The following NDRG1 variants were observed in gnomAD, a reference collection of about 807,000 sequenced individuals.
NDRG1 encodes N-myc downstream regulated 1.
In NDRG1, 32 loss-of-function variants were observed where a neutral mutation model predicts 56.9. The ratio of observed to expected loss-of-function variants is 0.56; its 90% CI spans 0.42 to 0.76. NDRG1 has a LOEUF of 0.76. Among genes scored for constraint, NDRG1 ranks in the 30% least tolerant of loss-of-function variants. The pLI is 0.00. For synonymous variants in NDRG1, 211 were observed against 204.1 expected (o/e 1.03, Z -0.29); for missense variants, 507 against 545.7 (o/e 0.93, Z 0.71).
intron 13 of NDRG1, among the ~76,000 whole-genome samples, chr8:133,245,782 T>C (rs963589775): frequency 6.6e-6 from 1 of 152,226 alleles, no homozygotes; most frequent in African/African-American, 2.4e-5. Flanking sequence ...TTATGCAAGC[T>C]TGACGCCCAG....
chr8:133,252,966 C>T (rs1047001835), intron 9 of NDRG1, among the ~76,000 whole-genome samples: 14 of 152,216 alleles, frequency 9.2e-5, no homozygotes, highest in African/African-American at 2.4e-4. Context: ...CTGGTGTACT[C>T]GCCAGCTCCA....
chr8:133,253,994 C>A (rs184447202), intron 9 of NDRG1, among the ~76,000 whole-genome samples: 140 of 152,048 alleles, frequency 9.2e-4, no homozygotes, highest in African/African-American at 3.3e-3. Flanking sequence ...GAGCACTGCA[C>A]CCCGACTAGG....
chr8:133,295,373 A>C (rs1292343881), intron 1 of NDRG1, among the ~76,000 whole-genome samples: 1 of 152,218 alleles, frequency 6.6e-6, no homozygotes, highest in Non-Finnish European at 1.5e-5. Flanking sequence ...AAAGCTAAGA[A>C]GTCACAGGTC....
intron 2 of NDRG1, 45 bp downstream of exon 2, chr8:133,284,204 T>C (rs1857971839): frequency 1.9e-6 from 3 of 1,581,274 alleles, no homozygotes; most frequent in Non-Finnish European, 1.7e-6. Context: ...TGTGTCTATG[T>C]GCACATGTGC....
chr8:133,285,291 G>A (rs1042127778), intron 1 of NDRG1, among the ~76,000 whole-genome samples: 5 of 152,304 alleles, frequency 3.3e-5, no homozygotes, highest in South Asian at 2.1e-4. Context: ...CATAAAAAAT[G>A]CAGAATAAGG....
intron 12 of NDRG1, among the ~76,000 whole-genome samples, chr8:133,247,419 C>A (rs188957532): frequency 6.6e-6 from 1 of 152,356 alleles, no homozygotes; most frequent in East Asian, 1.9e-4. Context: ...AAGGCAGATT[C>A]CTCTCTTTGC....
chr8:133,244,445 C>G, intron 13 of NDRG1, 55 bp from the exon 14 acceptor site: 2 of 1,609,972 alleles, frequency 1.2e-6, no homozygotes, highest in Non-Finnish European at 1.7e-6. Flanking sequence ...GCCCTCTGCG[C>G]TCTATGAATT....
chr8:133,280,188 A>G, intron 3 of NDRG1, 44 bp downstream of exon 3: 1 of 1,607,934 alleles, frequency 6.2e-7, no homozygotes, highest in Non-Finnish European at 8.5e-7. Context: ...GAAAAAGAGA[A>G]GACGGGATGA....
Position 133,242,016 on chromosome 8 carries a change from T to C in NDRG1, c.943+7A>G, listed in dbSNP as rs571439980. The C allele has an allele frequency of 3.1e-6, 5 of 1,614,192 alleles. No individual in the cohort carries two copies. Among genetic ancestry groups the C allele is most frequent in the East Asian group, 2.2e-5 (1 of 44,886 alleles). On this transcript the variant is annotated splice_region_variant and intron_variant, in intron 15 of 15. Coordinates refer to ENST00000323851, the MANE Select transcript of NDRG1 (RefSeq NM_006096.4). Reference sequence around the variant, plus strand: ...GACCCACTGCACACGGGGAATGCCATACTCACTGTATCCCATGCCCTGCAC... The same window carrying C: ...GACCCACTGCACACGGGGAATGCCACACTCACTGTATCCCATGCCCTGCAC...
At chr8:133,277,598 G>A (rs1397980401) in intron 3 of NDRG1, among the ~76,000 whole-genome samples, 1 of 152,080 alleles carries the variant, frequency 6.6e-6, no homozygotes, top group Non-Finnish European at 1.5e-5. Flanking sequence ...ATACAGTTCT[G>A]AAAATGGACG....
rs774605205 is a variant in NDRG1, at chr8:133,238,908, G to A, written c.1155C>T (p.Ala385=). The A allele has an allele frequency of 6.0e-5, 93 of 1,558,454 alleles. No homozygotes were observed. In the Middle Eastern group the frequency reaches 7.0e-4, roughly 12 times the overall value. ...AGGAGACCTCCATGGACTTGGGCCCGGCGCTGTTCCCAGCAGCACCCGAGT... is the reference window on the plus strand; with the variant it reads ...AGGAGACCTCCATGGACTTGGGCCCAGCGCTGTTCCCAGCAGCACCCGAGT... ...TPNSGAAGNS[A]GPKSMEVSC is the part of the protein sequence containing the mutation. Residue 385 remains alanine (A), a synonymous_variant, in exon 16 of 16, where the codon GCC becomes GCT. Coordinates refer to ENST00000323851, the MANE Select transcript of NDRG1 (RefSeq NM_006096.4).
rs564847160 is a variant in NDRG1, at chr8:133,271,557, G to A, written c.100-6905C>T. Among the ~76,000 whole-genome samples the A allele has an allele frequency of 3.3e-5, 5 of 152,070 alleles. No homozygotes were observed. The South Asian group carries it at 1.0e-3, about 32-fold the overall frequency. On this transcript the variant is annotated intron_variant, in intron 3 of 15. Transcript: ENST00000323851. Reference sequence around the variant, plus strand: ...TAACAAACATAGGCTAGGTGTGATGGCTCACACCTGTAACTTTGAGTTTGA... The same window carrying A: ...TAACAAACATAGGCTAGGTGTGATGACTCACACCTGTAACTTTGAGTTTGA...
rs1855546588 is a variant in NDRG1 at position 133,244,327 on chromosome 8, A to G, written c.891+28T>C. On this transcript the variant is annotated intron_variant, in intron 14 of 15. Transcript: ENST00000323851. ...CCACCCAGGGGGAAGCGACAGCTGT[A>G]TAATGCAAAAGCCAACATGGCACTC... 6.2e-6 allele frequency: 10 copies of G among 1,613,936 alleles called. No homozygotes were observed. The East Asian group carries it at 2.2e-4, about 36-fold the overall frequency.
intron 9 of NDRG1, among the ~76,000 whole-genome samples, chr8:133,253,641 G>A (rs1856197870): frequency 6.6e-6 from 1 of 152,158 alleles, no homozygotes; most frequent in Non-Finnish European, 1.5e-5. Flanking sequence ...ACAGGTGAAT[G>A]GAAAAACAAA....
intron 15 of NDRG1, chr8:133,240,346 T>C (rs1207498358): frequency 1.3e-5 from 2 of 152,318 alleles, no homozygotes; most frequent in East Asian, 1.9e-4. Context: ...ATCTCCTTGA[T>C]AGGCACAGGG....
intron 4 of NDRG1, among the ~76,000 whole-genome samples, chr8:133,262,998 C>T (rs1232147036): frequency 6.6e-6 from 1 of 152,142 alleles, no homozygotes; most frequent in Non-Finnish European, 1.5e-5. Context: ...GTTACATGAG[C>T]GAGAAATAAA....
chr8:133,265,034 AC>A (rs1278616694), intron 3 of NDRG1: 1 of 313,238 alleles, frequency 3.2e-6, no homozygotes, highest in East Asian at 7.5e-5. Context: ...TGTACCTGTG[AC>A]TAACATCTGC....
At chr8:133,244,312 G>T (rs901572841) in intron 14 of NDRG1, 43 bp downstream of exon 14, 8 of 1,612,458 alleles carry the variant, frequency 5.0e-6, no homozygotes, top group African/African-American at 2.7e-5. Flanking sequence ...CCACCCAGGG[G>T]GAAGCGACAG....
chr8:133,260,552 G>A (rs1382528993), intron 5 of NDRG1, among the ~76,000 whole-genome samples: 1 of 152,208 alleles, frequency 6.6e-6, no homozygotes, highest in Non-Finnish European at 1.5e-5. Flanking sequence ...CTTCACCAGG[G>A]GGAACTAAGA....
Sources: allele counts gnomAD v4.1 joint callset (sites outside exome capture counted in the v4.1 genomes callset), GRCh38; gene constraint gnomAD v4.1.1; transcripts MANE v1.5; gene names NCBI Gene and HGNC (gene_info 2026-07-23, HGNC 2026-07-21).